The following CCR6 variants were observed in gnomAD, a reference collection of about 807,000 sequenced individuals.
CCR6 encodes the protein C-C chemokine receptor type 6.
In CCR6, 2 loss-of-function variants were observed where a neutral mutation model predicts 3.0. That is an observed-to-expected ratio of 0.66 (90% CI 0.27 to 2.07). CCR6 has a LOEUF of 2.07. Among genes scored for constraint, CCR6 ranks in the 30% most tolerant of loss-of-function variants. CCR6 has a pLI of 0.14. For missense variants in CCR6, 322 were observed against 462.8 expected (o/e 0.70, Z 2.79); for synonymous variants, 193 against 184.3 (o/e 1.05, Z -0.38).
At position 167,130,989 on chromosome 6, in the gene CCR6, A is replaced by ACCCCTTCTCTCTGGG. The variant is rs1781751626; in HGVS notation, c.-97-5045_-97-5044insTTCTCTCTGGGCCCC. On this transcript the variant is annotated intron_variant, in intron 1 of 2. Transcript: ENST00000341935. ...CCCTCTGGGACCACCCTCCCTCTGG[A>ACCCCTTCTCTCTGGG]CCCCCTCCCTTTGGGACCCCTCCTT... is the stretch of plus-strand genomic sequence containing the variant. Among the ~76,000 whole-genome samples, 16 of 121,318 alleles carry ACCCCTTCTCTCTGGG rather than the reference A, an allele frequency of 1.3e-4. No individual in the cohort carries two copies. In the South Asian group the frequency reaches 3.4e-3, roughly 26 times the overall value. The allele number at this position is 121,318 out of a possible 152,430, so 79.6% of individuals were successfully genotyped here.
chr6:167,136,799 A>G lies in CCR6; in HGVS notation c.569A>G (p.Asn190Ser). 1.2e-6 allele frequency: 2 copies of G among 1,613,996 alleles called. No homozygotes were observed. Among genetic ancestry groups the G allele is most frequent in the African/African-American group, 1.3e-5 (1 of 75,026 alleles). Residue 190 changes from asparagine to serine, a missense_variant, in exon 3 of 3, where the codon AAC becomes AGC. Physicochemically the swap from Asn to Ser is conservative, Grantham distance 46. Coordinates refer to ENST00000341935, the MANE Select transcript of CCR6 (RefSeq NM_031409.4). This position sits in a 1 kb window ranked among gnomAD's most constrained non-coding sequence, Gnocchi z 4.6. ...SSTFVFNQKY[N>S]TQGSDVCEPK... ...ACTTTTGTCTTCAACCAAAAATACA[A>G]CACCCAAGGCAGCGATGTCTGTGAA...
At chr6:167,132,061 T>TGTTA (rs1357674931) in intron 1 of CCR6, among the ~76,000 whole-genome samples, 2 of 152,118 alleles carry the variant, frequency 1.3e-5, no homozygotes, top group South Asian at 4.1e-4. Context: ...TTTCTAGAAA[T>TGTTA]GTTAGGGGTG....
chr6:167,138,636 G>C lies in CCR6; in HGVS notation c.*1281G>C, dbSNP rs1781886852. The C allele has an allele frequency of 6.6e-6, 1 of 152,304 alleles. No individual in the cohort carries two copies. The highest frequency in any genetic ancestry group is 2.4e-5 in the African/African-American group (1 of 41,436). The allele number at this position is 152,304 out of a possible 1,614,324, so 9.4% of individuals were successfully genotyped here. On this transcript the variant is annotated 3_prime_UTR_variant, in exon 3 of 3. Transcript: ENST00000341935. ...CAAAAATACAAACACATGTTAGGAA[G>C]GTACTGTCATGGGCTAGGCATGGTG...
At chr6:167,118,984 C>T (rs903222187), upstream of CCR6, among the ~76,000 whole-genome samples, 14 of 152,278 alleles carry the variant, frequency 9.2e-5, no homozygotes, top group East Asian at 2.7e-3. Flanking sequence ...ACCGTAAACT[C>T]GCTCCCTGTC....
At chr6:167,113,597 A>G (rs1781446987) in intron 1 of CCR6, among the ~76,000 whole-genome samples, 1 of 152,246 alleles carries the variant, frequency 6.6e-6, no homozygotes, top group South Asian at 2.1e-4. Context: ...GGGCCCAGGC[A>G]GGGTTGGACG....
chr6:167,136,974 A>G lies in CCR6; in HGVS notation c.744A>G (p.Lys248=). 1 of 1,614,174 alleles carries G rather than the reference A, an allele frequency of 6.2e-7. No homozygotes were observed. Among genetic ancestry groups the G allele is most frequent in the Non-Finnish European group, 8.5e-7 (1 of 1,180,024 alleles). ...VKTLVQAQNS[K]RHKAIRVIIA... ...CCTTGGTGCAAGCTCAGAATTCTAA[A>G]AGGCACAAAGCCATCCGTGTAATCA... The change falls in exon 3 of 3, where the codon AAA becomes AAG. Residue 248 remains lysine, a synonymous_variant. Coordinates refer to ENST00000341935, the MANE Select transcript of CCR6 (RefSeq NM_031409.4). This position sits in a 1 kb window ranked among gnomAD's most constrained non-coding sequence, Gnocchi z 4.6.
chr6:167,114,096 C>G (rs1441428094), intron 1 of CCR6, among the ~76,000 whole-genome samples: 1 of 152,240 alleles, frequency 6.6e-6, no homozygotes, highest in African/African-American at 2.4e-5. Context: ...CAGACAGGAT[C>G]AAGATGCAAA....
Position 167,137,089 on chromosome 6 carries a change from T to C in CCR6, c.859T>C (p.Ser287Pro). Residue 287 changes from serine (S) to proline (P), a missense_variant, in exon 3 of 3, where the codon TCC becomes CCC. Coordinates refer to ENST00000341935, the MANE Select transcript of CCR6 (RefSeq NM_031409.4). The surrounding 1 kb of genome is among the most constrained non-coding windows in gnomAD (Gnocchi z 4.6). ...TAANLGKMNRSCQSEKLIGYT... is the reference protein window; with the variant it reads ...TAANLGKMNRPCQSEKLIGYT... ...TGCAAATTTGGGTAAAATGAACCGA[T>C]CCTGCCAGAGCGAAAAGCTAATTGG... 1 of 1,614,164 alleles carries C rather than the reference T, an allele frequency of 6.2e-7. No homozygotes were observed. The highest frequency in any genetic ancestry group is 8.5e-7 in the Non-Finnish European group (1 of 1,180,040).
chr6:167,134,434 G>A (rs1321688437), intron 1 of CCR6, among the ~76,000 whole-genome samples: 2 of 152,190 alleles, frequency 1.3e-5, no homozygotes, highest in Admixed American at 1.3e-4. Flanking sequence ...TAGGCCCAAA[G>A]CAGTGACTGA....
At chr6:167,124,860 C>T (rs532466631) in intron 1 of CCR6, among the ~76,000 whole-genome samples, 1 of 152,082 alleles carries the variant, frequency 6.6e-6, no homozygotes, top group African/African-American at 2.4e-5. Context: ...TATGTACACA[C>T]ACACAGTTAT....
chr6:167,126,872 T>C lies in CCR6; in HGVS notation c.-98+3649T>C, dbSNP rs2114923364. On this transcript the variant is annotated intron_variant, in intron 1 of 2. Transcript: ENST00000341935. The stretch of plus-strand genomic sequence containing the variant: ...GCTTCCCTCTTCGCTGGGCACTCAT[T>C]CTTCTCCTTCCTGCCATCATGTGAA... Among the ~76,000 whole-genome samples, 2 of 152,276 alleles carry C rather than the reference T, an allele frequency of 1.3e-5. 1 individual carries two copies.
chr6:167,131,864 T>C (rs765135674), intron 1 of CCR6, among the ~76,000 whole-genome samples: 2 of 152,194 alleles, frequency 1.3e-5, no homozygotes, highest in African/African-American at 2.4e-5. Flanking sequence ...GCAATAAATG[T>C]CACCGATTGA....
In CCR6 at chr6:167,136,495, G is replaced by A. The variant is rs138813075; in HGVS notation, c.265G>A (p.Ala89Thr). The A allele has an allele frequency of 9.6e-5, 153 of 1,591,516 alleles. No individual in the cohort carries two copies. In the Middle Eastern group the frequency reaches 1.5e-3, roughly 16 times the overall value. The change falls in exon 3 of 3, where the codon GCC (alanine) becomes ACC (threonine). Residue 89 changes from alanine to threonine, a missense_variant. Coordinates refer to ENST00000341935, the MANE Select transcript of CCR6 (RefSeq NM_031409.4). This position sits in a 1 kb window ranked among gnomAD's most constrained non-coding sequence, Gnocchi z 4.6. ...GACAGACGTCTATCTCTTGAACATG[G>A]CCATTGCAGACATCCTCTTTGTTCT... ...SMTDVYLLNM[A>T]IADILFVLTL...
intron 1 of CCR6, among the ~76,000 whole-genome samples, chr6:167,135,552 C>T (rs1037408398): frequency 3.3e-5 from 5 of 152,322 alleles, no homozygotes; most frequent in East Asian, 1.9e-4. Flanking sequence ...ATATTGTGAA[C>T]GATTTAAAGC....
At chr6:167,118,201 G>A (rs917313675), upstream of CCR6, among the ~76,000 whole-genome samples, 2 of 152,036 alleles carry the variant, frequency 1.3e-5, no homozygotes, top group Non-Finnish European at 2.9e-5. Flanking sequence ...CTACCACCAC[G>A]ACAACAATCA....
chr6:167,114,372 G>A (rs2114908081), intron 1 of CCR6, among the ~76,000 whole-genome samples: 1 of 152,284 alleles, frequency 6.6e-6, no homozygotes, highest in East Asian at 1.9e-4. Flanking sequence ...TCTGAGCAGT[G>A]GTAGACCTCG....
chr6:167,125,932 T>G (rs1582996703), intron 1 of CCR6, among the ~76,000 whole-genome samples: 1 of 152,180 alleles, frequency 6.6e-6, no homozygotes. Flanking sequence ...GTTTTAAACA[T>G]GTGTGATAAC....
intron 1 of CCR6, among the ~76,000 whole-genome samples, chr6:167,124,849 A>G (rs2114920415): frequency 6.6e-6 from 1 of 151,802 alleles, no homozygotes; most frequent in East Asian, 1.9e-4. Flanking sequence ...ACACACGTCC[A>G]TATGTACACA....
Position 167,128,482 on chromosome 6 carries a change from G to A in CCR6, c.-98+5259G>A, listed in dbSNP as rs377294919. ...CATAGTACTGATTAACTAGCCTCTT[G>A]GTGAGATTACTAGCAAATAAAATTC... On this transcript the variant is annotated intron_variant, in intron 1 of 2. Transcript: ENST00000341935. Among the ~76,000 whole-genome samples the A allele has an allele frequency of 2.6e-5, 4 of 152,340 alleles. No homozygotes were observed. The East Asian group carries it at 5.8e-4, about 22-fold the overall frequency.
Sources: gnomAD v4.1 joint callset for allele counts (sites outside exome capture counted in the v4.1 genomes callset) on GRCh38, gnomAD v4.1.1 for gene constraint, Gnocchi (gnomAD v3.1) non-coding constraint, MANE v1.5 for transcripts, NCBI Gene and HGNC (gene_info 2026-07-23, HGNC 2026-07-21) for gene names.